Variants in COL13A1 observed in about 807,000 individuals in gnomAD.
The protein encoded by COL13A1 is collagen alpha-1(XIII) chain.
A neutral mutation model predicts 130.9 loss-of-function variants in COL13A1; 89 were observed. The ratio of observed to expected loss-of-function variants is 0.68; its 90% confidence interval spans 0.57 to 0.81. The LOEUF (loss-of-function observed/expected upper bound fraction) is 0.81. Among genes scored for constraint, COL13A1 ranks in the 30% least tolerant of loss-of-function variants. The pLI, the probability that COL13A1 is intolerant of heterozygous loss-of-function variation, is 0.00. For synonymous variants in COL13A1, 402 were observed against 341.6 expected (o/e 1.18, Z -1.95); for missense variants, 879 against 934.6 (o/e 0.94, Z 0.78).
At chr10:69,954,374 G>A (rs2070226078) in intron 39 of COL13A1, among the ~76,000 whole-genome samples, 1 of 152,204 alleles carries the variant, frequency 6.6e-6, no homozygotes, top group Non-Finnish European at 1.5e-5. Flanking sequence ...AGACAAAGCT[G>A]CCACCAGATA....
At chr10:69,862,598 A>G (rs1858452090) in intron 2 of COL13A1, among the ~76,000 whole-genome samples, 1 of 152,150 alleles carries the variant, frequency 6.6e-6, no homozygotes, top group South Asian at 2.1e-4. Context: ...ATTGCTTTTC[A>G]TGGTTTTTAA....
intron 15 of COL13A1, among the ~76,000 whole-genome samples, chr10:69,903,864 A>C (rs2062450566): frequency 6.6e-6 from 1 of 152,120 alleles, no homozygotes; most frequent in African/African-American, 2.4e-5. Context: ...GTGTACGGCC[A>C]CATTCTAGAT....
chr10:69,888,596 G>C lies in COL13A1; in HGVS notation c.576+266G>C, dbSNP rs373829784. 7.3e-4 allele frequency among the ~76,000 whole-genome samples: 111 copies of C among 152,242 alleles called. No homozygotes were observed. The South Asian group carries it at 9.3e-3, about 13-fold the overall frequency. On this transcript the variant is annotated intron_variant, in intron 9 of 40. Coordinates refer to ENST00000645393, the MANE Select transcript of COL13A1 (RefSeq NM_001368882.1). ...CCTAGAATGGGTGATTCTGGGTGGG[G>C]TGGGGGTGAGATCAGGAGGCAGTGA...
At chr10:69,892,603 G>A (rs997017964) in intron 10 of COL13A1, among the ~76,000 whole-genome samples, 1 of 152,208 alleles carries the variant, frequency 6.6e-6, no homozygotes, top group Non-Finnish European at 1.5e-5. Context: ...TGGCACCCGA[G>A]AAGCAGACAG....
chr10:69,874,591 C>T (rs2059401243), intron 4 of COL13A1, among the ~76,000 whole-genome samples: 1 of 152,042 alleles, frequency 6.6e-6, no homozygotes, highest in African/African-American at 2.4e-5. Flanking sequence ...TGGAGGTGGC[C>T]GAGAGGAGGG....
chr10:69,953,366 A>G (rs896058186), intron 39 of COL13A1, among the ~76,000 whole-genome samples: 11 of 152,164 alleles, frequency 7.2e-5, no homozygotes, highest in African/African-American at 2.7e-4. Flanking sequence ...CCAGTAGTTC[A>G]AGCTGTCTGA....
At chr10:69,845,596 C>T (rs1852817560) in intron 2 of COL13A1, among the ~76,000 whole-genome samples, 1 of 152,146 alleles carries the variant, frequency 6.6e-6, no homozygotes, top group South Asian at 2.1e-4. Flanking sequence ...CCTCCCTCAG[C>T]CTGCAGCCCC....
intron 17 of COL13A1, among the ~76,000 whole-genome samples, chr10:69,909,915 G>A (rs1056879746): frequency 1.3e-5 from 2 of 152,226 alleles, no homozygotes; most frequent in Non-Finnish European, 2.9e-5. Flanking sequence ...CTAAATGAGA[G>A]AGACTTTGCC....
chr10:69,884,238 T>A (rs1334463100), intron 7 of COL13A1, among the ~76,000 whole-genome samples: 1 of 152,192 alleles, frequency 6.6e-6, no homozygotes, highest in East Asian at 1.9e-4. Context: ...CCTCACCTCC[T>A]CCCAGCTGCT....
chr10:69,894,166 T>C (rs529832016), intron 10 of COL13A1, among the ~76,000 whole-genome samples: 1 of 152,318 alleles, frequency 6.6e-6, no homozygotes, highest in African/African-American at 2.4e-5. Flanking sequence ...TCAGTGGGCT[T>C]CACTGCAGCC....
chr10:69,845,065 GA>G (rs565061154), intron 2 of COL13A1, among the ~76,000 whole-genome samples: 520 of 152,258 alleles, frequency 3.4e-3, no homozygotes, highest in African/African-American at 0.011. Flanking sequence ...ATCCTATAGA[GA>G]CAAACAAAAC....
chr10:69,932,365 G>A (rs532981122), intron 30 of COL13A1, among the ~76,000 whole-genome samples, 195 bp from the exon 31 acceptor site: 9 of 152,170 alleles, frequency 5.9e-5, no homozygotes, highest in Non-Finnish European at 1.0e-4. Context: ...TCCACAGAGA[G>A]TATCAGCCTC....
At chr10:69,920,397 C>T (rs2064491359) in intron 21 of COL13A1, among the ~76,000 whole-genome samples, 1 of 152,224 alleles carries the variant, frequency 6.6e-6, no homozygotes, top group Non-Finnish European at 1.5e-5. Flanking sequence ...CTCTTGGACA[C>T]TCACCTGATA....
intron 17 of COL13A1, among the ~76,000 whole-genome samples, chr10:69,907,909 TC>T (rs1425829182): frequency 1.3e-5 from 2 of 152,226 alleles, no homozygotes; most frequent in African/African-American, 4.8e-5. Flanking sequence ...CTCTTAAAGG[TC>T]CCACCTCTCA....
intron 1 of COL13A1, among the ~76,000 whole-genome samples, chr10:69,815,826 C>T (rs1303446211): frequency 6.6e-6 from 1 of 152,038 alleles, no homozygotes; most frequent in Non-Finnish European, 1.5e-5. Context: ...AAAAAAGTAT[C>T]CAGGTCCTTG....
intron 14 of COL13A1, among the ~76,000 whole-genome samples, chr10:69,899,995 C>T (rs1260677153): frequency 2.0e-5 from 3 of 152,316 alleles, no homozygotes; most frequent in Non-Finnish European, 1.5e-5. Context: ...CAGAGGGACA[C>T]GTGACTCCAG....
intron 17 of COL13A1, among the ~76,000 whole-genome samples, chr10:69,911,736 T>G (rs562827923): frequency 6.6e-6 from 1 of 152,316 alleles, no homozygotes; most frequent in East Asian, 1.9e-4. Flanking sequence ...GAACAGGGAG[T>G]ACTTGGTGTG....
chr10:69,935,305 G>T, intron 31 of COL13A1, 45 bp from the exon 32 acceptor site: 2 of 1,542,190 alleles, frequency 1.3e-6, no homozygotes. Flanking sequence ...CCTATCAGGA[G>T]GGAGGGCCAC....
chr10:69,907,061 C>G (rs533162111), intron 17 of COL13A1, among the ~76,000 whole-genome samples: 1 of 152,252 alleles, frequency 6.6e-6, no homozygotes, highest in South Asian at 2.1e-4. Flanking sequence ...TGTGGGCCTT[C>G]CACTAGAAAA....
Sources: gnomAD v4.1 joint callset for allele counts (sites outside exome capture counted in the v4.1 genomes callset) on GRCh38, gnomAD v4.1.1 for gene constraint, MANE v1.5 for transcripts, NCBI Gene and HGNC (gene_info 2026-07-23, HGNC 2026-07-21) for gene names.